PARPBP: variants seen among roughly 807,000 people sequenced by gnomAD.
PARPBP encodes the protein PARP1 binding protein.
Under a neutral mutation model 50.0 loss-of-function variants are expected in PARPBP, and 52 were observed. The observed-to-expected ratio is 1.04, with a 90% confidence interval of 0.83 to 1.31. The LOEUF (loss-of-function observed/expected upper bound fraction) is 1.31, where lower values mean the gene tolerates loss of function less well. PARPBP is among the 50% of genes most tolerant of loss of function. The pLI is 0.00. For synonymous variants in PARPBP, 244 were observed against 232.1 expected, an observed-to-expected ratio of 1.05 and a Z score of -0.47; for missense variants, 697 against 672.0, an observed-to-expected ratio of 1.04 and a Z score of -0.41.
Position 102,196,578 on chromosome 12 carries a change from G to T in PARPBP, c.*287G>T, listed in dbSNP as rs1555224453. The T allele has an allele frequency of 1.9e-6, 2 of 1,032,880 alleles. No homozygotes were observed. Among genetic ancestry groups the T allele is most frequent in the Admixed American group, 1.7e-5 (1 of 58,750 alleles). 64.0% of individuals were successfully genotyped at this position (1,032,880 alleles called of 1,614,324 possible). ...TTAACATACACAAGTTATAGTAGCAGTATGGGCTTCTCCTCCCATTGGCAA... is the reference window on the plus strand; with the variant it reads ...TTAACATACACAAGTTATAGTAGCATTATGGGCTTCTCCTCCCATTGGCAA... On this transcript the variant is annotated 3_prime_UTR_variant, in exon 11 of 11. Coordinates refer to ENST00000327680, the MANE Select transcript of PARPBP (RefSeq NM_017915.5).
intron 2 of PARPBP, among the ~76,000 whole-genome samples, chr12:102,143,540 A>G (rs1270331025): frequency 6.6e-6 from 1 of 152,202 alleles, no homozygotes; most frequent in Non-Finnish European, 1.5e-5. Context: ...GGAAATGCAG[A>G]AATCACTCAT....
chr12:102,196,079 A>G lies in PARPBP; in HGVS notation c.1528A>G (p.Arg510Gly), dbSNP rs1368494945. The G allele has an allele frequency of 1.2e-6, 2 of 1,612,132 alleles. No individual in the cohort carries two copies. The highest frequency in any genetic ancestry group is 1.7e-5 in the Admixed American group (1 of 59,810). Reference sequence around the variant, plus strand: ...TCAGACAGGAAATAAAAGCTCAAAAAGGAAACAGGTGGATTTGGATGGTGA... The same window carrying G: ...TCAGACAGGAAATAAAAGCTCAAAAGGGAAACAGGTGGATTTGGATGGTGA... ...TSQTGNKSSK[R>G]KQVDLDGENI... The change falls in exon 11 of 11, where the codon AGG (arginine) becomes GGG (glycine). Residue 510 changes from arginine (R) to glycine (G), a missense_variant. Transcript: ENST00000327680.
rs201607700 is a variant in PARPBP at position 102,197,494 on chromosome 12, A to T, written c.*1203A>T. Reference sequence around the variant, plus strand: ...AAGAATCATTTAAATTTTCATTGAAATAAACGACAAGTCACATTGCCACTT... The same window carrying T: ...AAGAATCATTTAAATTTTCATTGAATTAAACGACAAGTCACATTGCCACTT... On this transcript the variant is annotated 3_prime_UTR_variant, in exon 11 of 11. Coordinates refer to ENST00000327680, the MANE Select transcript of PARPBP (RefSeq NM_017915.5). The T allele has an allele frequency of 6.6e-4, 1,034 of 1,565,112 alleles. No individual in the cohort carries two copies. The highest frequency in any genetic ancestry group is 8.3e-4 in the Non-Finnish European group (960 of 1,159,646).
intron 6 of PARPBP, among the ~76,000 whole-genome samples, chr12:102,169,275 C>T (rs1207201799): frequency 6.6e-6 from 1 of 152,126 alleles, no homozygotes; most frequent in South Asian, 2.1e-4. Context: ...TATTTTCCAC[C>T]TACCTCTTCT....
At chr12:102,155,598 G>T (rs868858928) in intron 4 of PARPBP, among the ~76,000 whole-genome samples, 1 of 125,486 alleles carries the variant, frequency 8.0e-6, no homozygotes, top group South Asian at 3.3e-4. Context: ...GCATGGTGGG[G>T]GGGGGGGGCG....
At chr12:102,174,423 A>G (rs1249488403) in intron 6 of PARPBP, among the ~76,000 whole-genome samples, 1 of 152,184 alleles carries the variant, frequency 6.6e-6, no homozygotes, top group Non-Finnish European at 1.5e-5. Flanking sequence ...CTTGTTAGGG[A>G]ACCTGGCATT....
In PARPBP at chr12:102,197,022, C is replaced by A. The variant is rs150362881; in HGVS notation, c.*731C>A. 482 of 1,611,908 alleles carry A rather than the reference C, an allele frequency of 3.0e-4. 5 individuals carry two copies. In the African/African-American group the frequency reaches 5.6e-3, roughly 19 times the overall value. ...GAAATTTAGCTGAGTTTTCTTCATC[C>A]CCAATTTCTCTCTTTTCTTGTGTTG... On this transcript the variant is annotated 3_prime_UTR_variant, in exon 11 of 11. Coordinates refer to ENST00000327680, the MANE Select transcript of PARPBP (RefSeq NM_017915.5).
intron 2 of PARPBP, among the ~76,000 whole-genome samples, chr12:102,142,208 C>G (rs1173063298): frequency 1.3e-5 from 2 of 152,048 alleles, no homozygotes; most frequent in Non-Finnish European, 2.9e-5. Context: ...TTTCTCTAAA[C>G]TTGTCTTCTC....
At chr12:102,135,621 T>C (rs1883519329) in intron 2 of PARPBP, among the ~76,000 whole-genome samples, 1 of 151,624 alleles carries the variant, frequency 6.6e-6, no homozygotes, top group East Asian at 1.9e-4. Context: ...GAAATAAAGA[T>C]TAGTTTAATA....
chr12:102,154,111 G>C (rs144167054), intron 4 of PARPBP, 135 bp downstream of exon 4: 9 of 560,950 alleles, frequency 1.6e-5, no homozygotes, highest in Admixed American at 2.9e-5. Context: ...AACTGTATTC[G>C]CAAAGAATAA....
chr12:102,178,426 G>T (rs1889499781), intron 7 of PARPBP, among the ~76,000 whole-genome samples, 166 bp from the exon 8 acceptor site: 1 of 152,154 alleles, frequency 6.6e-6, no homozygotes, highest in South Asian at 2.1e-4. Flanking sequence ...ATTATAGCAT[G>T]GCTTAAGGAA....
chr12:102,195,865 C>T, intron 10 of PARPBP, 86 bp from the exon 11 acceptor site: 2 of 813,892 alleles, frequency 2.5e-6, no homozygotes, highest in Non-Finnish European at 1.9e-6. Context: ...ATTCGTTAGC[C>T]ATTTTTAAAG....
chr12:102,171,406 C>T (rs1259614512), intron 6 of PARPBP, among the ~76,000 whole-genome samples: 2 of 152,044 alleles, frequency 1.3e-5, no homozygotes, highest in East Asian at 3.9e-4. Context: ...TTTTCAGCTC[C>T]ATTATAATAT....
At chr12:102,185,569 G>A (rs185517745) in intron 9 of PARPBP, among the ~76,000 whole-genome samples, 1 of 152,290 alleles carries the variant, frequency 6.6e-6, no homozygotes, top group Admixed American at 6.5e-5. Context: ...TTTTGGAATA[G>A]TTTGAGTAGG....
intron 2 of PARPBP, 78 bp from the exon 3 acceptor site, chr12:102,148,152 T>C: frequency 1.7e-6 from 1 of 574,972 alleles, no homozygotes; most frequent in Non-Finnish European, 2.9e-6. Flanking sequence ...TAATTTGTAT[T>C]TCTTATCTCA....
chr12:102,166,166 C>T (rs746802431), intron 6 of PARPBP, among the ~76,000 whole-genome samples: 3 of 152,056 alleles, frequency 2.0e-5, no homozygotes, highest in Non-Finnish European at 2.9e-5. Context: ...TTTTTGAGGA[C>T]TGGCAATGAG....
chr12:102,178,654 A>G lies in PARPBP; in HGVS notation c.1068A>G (p.Leu356=). Residue 356 remains leucine (L), a synonymous_variant, in exon 8 of 11, where the codon TTA becomes TTG. Transcript: ENST00000327680. ...AYCGRDTVKA[L]LVLLDEEAAN... ...GTGGCAGAGATACTGTGAAAGCCTT[A>G]TTAGTTCTTTTGGACGAAGAAGCAG... 6.2e-7 allele frequency: 1 copy of G among 1,613,680 alleles called. No individual in the cohort carries two copies. Among genetic ancestry groups the G allele is most frequent in the Non-Finnish European group, 8.5e-7 (1 of 1,179,710 alleles).
chr12:102,173,818 CT>C (rs919253158), intron 6 of PARPBP, among the ~76,000 whole-genome samples: 4 of 149,966 alleles, frequency 2.7e-5, no homozygotes, highest in African/African-American at 4.9e-5. Context: ...CAGCTTTCGG[CT>C]TACCATGCCA....
At chr12:102,168,832 G>C (rs1402516952) in intron 6 of PARPBP, among the ~76,000 whole-genome samples, 1 of 152,138 alleles carries the variant, frequency 6.6e-6, no homozygotes, top group Non-Finnish European at 1.5e-5. Context: ...CCCTTTACTA[G>C]TACTTTAGCC....
Sources: allele counts gnomAD v4.1 joint callset (sites outside exome capture counted in the v4.1 genomes callset), GRCh38; gene constraint gnomAD v4.1.1; transcripts MANE v1.5; gene names NCBI Gene and HGNC (gene_info 2026-07-23, HGNC 2026-07-21).